Variants in COL22A1 observed in about 807,000 individuals in gnomAD.
COL22A1 encodes the protein collagen alpha-1(XXII) chain.
In COL22A1, 221 loss-of-function variants were observed where a neutral mutation model predicts 248.9. The observed-to-expected ratio is 0.89, with a 90% CI of 0.80 to 0.99. The LOEUF (loss-of-function observed/expected upper bound fraction) is 0.99. COL22A1 is among the 50% of genes least tolerant of loss of function. The probability of loss-of-function intolerance (pLI) is 0.00; values close to 1 mark genes in which losing one functional copy is unlikely to be tolerated. For synonymous variants in COL22A1, 891 were observed against 793.4 expected (o/e 1.12, Z -2.07); for missense variants, 2,240 against 2,179.0 (o/e 1.03, Z -0.56).
At chr8:138,804,787 G>A (rs531219226) in intron 10 of COL22A1, among the ~76,000 whole-genome samples, 12 of 121,476 alleles carry the variant, frequency 9.9e-5, no homozygotes, top group African/African-American at 3.7e-4. Context: ...GATGAGGTGC[G>A]TGTGGTGTGT....
chr8:138,906,429 C>T (rs940462905), intron 1 of COL22A1, among the ~76,000 whole-genome samples: 3 of 151,684 alleles, frequency 2.0e-5, no homozygotes, highest in South Asian at 2.1e-4. Flanking sequence ...TTAAACTTAA[C>T]GTGTCTAGTC....
At chr8:138,755,981 C>T in intron 18 of COL22A1, 152 bp from the exon 19 acceptor site, 2 of 662,470 alleles carry the variant, frequency 3.0e-6, no homozygotes, top group Non-Finnish European at 5.3e-6. Flanking sequence ...AGCCTGCTGT[C>T]TTCTGAAATT....
At chr8:138,614,397 G>A (rs912687113) in intron 55 of COL22A1, among the ~76,000 whole-genome samples, 5 of 152,212 alleles carry the variant, frequency 3.3e-5, no homozygotes, top group African/African-American at 4.8e-5. Context: ...GCCCTGTGAC[G>A]GGGCATAATC....
chr8:138,689,914 T>C (rs765671414), intron 36 of COL22A1, among the ~76,000 whole-genome samples: 6 of 152,132 alleles, frequency 3.9e-5, no homozygotes, highest in African/African-American at 9.7e-5. Flanking sequence ...CTCAACAACA[T>C]ACTCTTTAGA....
At chr8:138,705,355 G>A (rs1828339019) in intron 30 of COL22A1, among the ~76,000 whole-genome samples, 5 of 152,132 alleles carry the variant, frequency 3.3e-5, no homozygotes, top group Admixed American at 6.5e-5. Context: ...TTGAAATGAA[G>A]GAAAAAATGT....
At chr8:138,625,122 C>A (rs1194477128) in intron 51 of COL22A1, among the ~76,000 whole-genome samples, 5 of 152,058 alleles carry the variant, frequency 3.3e-5, no homozygotes, top group Non-Finnish European at 5.9e-5. Flanking sequence ...AATAGAAATG[C>A]GATCACCAGA....
At chr8:138,797,560 T>C (rs1205863371) in intron 11 of COL22A1, among the ~76,000 whole-genome samples, 1 of 152,230 alleles carries the variant, frequency 6.6e-6, no homozygotes, top group Non-Finnish European at 1.5e-5. Context: ...TGTGAAAGTT[T>C]TTGTGTAAAC....
At chr8:138,631,463 G>A (rs1820714406) in intron 49 of COL22A1, among the ~76,000 whole-genome samples, 1 of 152,054 alleles carries the variant, frequency 6.6e-6, no homozygotes, top group Non-Finnish European at 1.5e-5. Context: ...GCTAATATCA[G>A]GCAACATTTC....
intron 1 of COL22A1, among the ~76,000 whole-genome samples, chr8:138,909,583 TA>T (rs67017276): frequency 0.3 from 45,965 of 151,132 alleles, 7,518 homozygotes; most frequent in African/African-American, 0.44. Context: ...AAGCCAAACT[TA>T]AAAAAAAAAT....
In COL22A1 at chr8:138,913,609, C is replaced by T. The variant is rs887735841; in HGVS notation, c.-73+10G>A. 1 of 152,430 alleles carries T rather than the reference C, an allele frequency of 6.6e-6. No individual in the cohort carries two copies. Among genetic ancestry groups the T allele is most frequent in the Non-Finnish European group, 1.5e-5 (1 of 68,262 alleles). 9.4% of individuals were successfully genotyped at this position (152,430 alleles called of 1,614,324 possible). On this transcript the variant is annotated intron_variant, in intron 1 of 64. Transcript: ENST00000303045. ...CAGCACTGCAGCAAAGAAGAGAACC[C>T]GGGTCTTACCTGGCAGGGAGGCACT...
intron 3 of COL22A1, among the ~76,000 whole-genome samples, chr8:138,850,577 T>A (rs1821563251): frequency 6.6e-6 from 1 of 152,118 alleles, no homozygotes; most frequent in Admixed American, 6.5e-5. Flanking sequence ...TGGAGACTGA[T>A]GAGGCACAAG....
intron 44 of COL22A1, 128 bp from the exon 45 acceptor site, chr8:138,656,072 A>T: frequency 1.3e-6 from 1 of 751,676 alleles, no homozygotes; most frequent in Admixed American, 2.2e-5. Context: ...TGCGTGGGAT[A>T]CGGACAGCCC....
chr8:138,623,694 T>C lies in COL22A1; in HGVS notation c.3771+38A>G, dbSNP rs764988224. ...TAGTTGTTTTTGACATGTAATAGAT[T>C]TGGCATGTGATATAATAGGAAGTTT... On this transcript the variant is annotated intron_variant, in intron 52 of 64. Transcript: ENST00000303045. 1.9e-6 allele frequency: 3 copies of C among 1,553,012 alleles called. No homozygotes were observed. In the South Asian group the frequency reaches 3.5e-5, roughly 18 times the overall value.
intron 3 of COL22A1, among the ~76,000 whole-genome samples, chr8:138,844,755 C>T (rs1314264893): frequency 1.3e-5 from 2 of 151,924 alleles, no homozygotes; most frequent in East Asian, 3.9e-4. Flanking sequence ...TCGAGATCAT[C>T]CTGGCTAACA....
At chr8:138,623,087 C>T (rs988482481) in intron 52 of COL22A1, among the ~76,000 whole-genome samples, 4 of 151,782 alleles carry the variant, frequency 2.6e-5, no homozygotes, top group African/African-American at 9.7e-5. Context: ...CCTGCACATT[C>T]CCAACTAACA....
intron 8 of COL22A1, among the ~76,000 whole-genome samples, chr8:138,812,190 C>T (rs1018891096): frequency 7.9e-5 from 12 of 152,234 alleles, no homozygotes; most frequent in Admixed American, 5.9e-4. Context: ...CTCACCTCCT[C>T]CTTTTCCTTC....
intron 23 of COL22A1, among the ~76,000 whole-genome samples, chr8:138,735,291 G>C (rs970322803): frequency 5.3e-5 from 8 of 152,300 alleles, no homozygotes; most frequent in Non-Finnish European, 1.0e-4. Flanking sequence ...GCCACCAGGT[G>C]GTACATACTG....
At chr8:138,758,293 T>A (rs1479318661) in intron 18 of COL22A1, among the ~76,000 whole-genome samples, 1 of 152,174 alleles carries the variant, frequency 6.6e-6, no homozygotes, top group African/African-American at 2.4e-5. Context: ...TCAGGAGAGA[T>A]CGTGAAGCAG....
In COL22A1 at chr8:138,780,914, G is replaced by C; in HGVS notation, c.1650+13C>G. 1 of 1,611,708 alleles carries C rather than the reference G, an allele frequency of 6.2e-7. No homozygotes were observed. On this transcript the variant is annotated intron_variant, in intron 13 of 64. Transcript: ENST00000303045. ...ACTGCCTTGTGAGCCAGGGCAGACG[G>C]AACAGAACTTACTCTCATGCCTTTG...
Sources: gnomAD v4.1 joint callset for allele counts (sites outside exome capture counted in the v4.1 genomes callset) on GRCh38, gnomAD v4.1.1 for gene constraint, MANE v1.5 for transcripts, NCBI Gene and HGNC (gene_info 2026-07-23, HGNC 2026-07-21) for gene names.